ANP32B: variants seen among roughly 807,000 people sequenced by gnomAD.
ANP32B encodes acidic nuclear phosphoprotein 32 family member B.
A neutral mutation model predicts 32.2 loss-of-function variants in ANP32B; 6 were observed. That is an observed-to-expected ratio of 0.19 (90% CI 0.10 to 0.37). The LOEUF (loss-of-function observed/expected upper bound fraction) is 0.37. Among genes scored for constraint, ANP32B ranks in the 10% least tolerant of loss-of-function variants. The probability of loss-of-function intolerance (pLI) is 1.00; values close to 1 mark genes in which losing one functional copy is unlikely to be tolerated. For missense variants in ANP32B, 204 were observed against 289.2 expected (o/e 0.71, Z 2.14); for synonymous variants, 98 against 105.8 (o/e 0.93, Z 0.45).
rs1827628233 is a variant in ANP32B, at chr9:97,983,391, G to A, written c.-165G>A. Reference sequence around the variant, plus strand: ...CTCCCGTGAGTAACTTGGCTCCGGGGGCTCCGCTCGCCTGCCCGCACGCCG... The same window carrying A: ...CTCCCGTGAGTAACTTGGCTCCGGGAGCTCCGCTCGCCTGCCCGCACGCCG... On this transcript the variant is annotated 5_prime_UTR_variant, in exon 1 of 7. Transcript: ENST00000339399. 5 of 576,842 alleles carry A rather than the reference G, an allele frequency of 8.7e-6. No homozygotes were observed. The highest frequency in any genetic ancestry group is 6.6e-5 in the South Asian group (3 of 45,168). 35.7% of individuals were successfully genotyped at this position (576,842 alleles called of 1,614,324 possible). A position where few individuals can be genotyped will look rare whatever the true frequency, so the allele number is the denominator to read the frequency against.
intron 4 of ANP32B, among the ~76,000 whole-genome samples, chr9:98,005,582 G>A (rs865882174): frequency 1.6e-4 from 25 of 152,036 alleles, no homozygotes; most frequent in African/African-American, 5.5e-4. Flanking sequence ...GTGTGCGTGC[G>A]CACGCGTGTA....
intron 3 of ANP32B, among the ~76,000 whole-genome samples, chr9:98,001,776 G>A (rs1025757656): frequency 2.0e-5 from 3 of 152,002 alleles, no homozygotes; most frequent in Non-Finnish European, 4.4e-5. Context: ...AATCTTCGTT[G>A]TGTTCACCAT....
Position 97,994,735 on chromosome 9 carries a change from C to T in ANP32B, c.159C>T (p.Gly53=). The change falls in exon 2 of 7, where the codon GGC becomes GGT. Residue 53 remains glycine, a synonymous_variant. Coordinates refer to ENST00000339399, the MANE Select transcript of ANP32B (RefSeq NM_006401.3). Reference sequence around the variant, plus strand: ...AGTTCCTCAGTTTAATAAATGTAGGCTTGATCTCAGTTTCAAATCTCCCCA... The same window carrying T: ...AGTTCCTCAGTTTAATAAATGTAGGTTTGATCTCAGTTTCAAATCTCCCCA... ...NLEFLSLINV[G]LISVSNLPKL... The T allele has an allele frequency of 2.1e-5, 34 of 1,609,390 alleles. No homozygotes were observed. The highest frequency in any genetic ancestry group is 2.9e-5 in the Non-Finnish European group (34 of 1,178,156).
chr9:97,984,407 G>C (rs1356555128), intron 1 of ANP32B, among the ~76,000 whole-genome samples: 1 of 151,410 alleles, frequency 6.6e-6, no homozygotes, highest in African/African-American at 2.4e-5. Context: ...TGCCTCCCAG[G>C]GGCAGCCCGG....
intron 1 of ANP32B, among the ~76,000 whole-genome samples, chr9:97,993,686 A>G (rs563603124): frequency 9.2e-5 from 14 of 152,322 alleles, no homozygotes; most frequent in Non-Finnish European, 1.6e-4. Flanking sequence ...CCCAGGCTGG[A>G]GTGCAATGGC....
chr9:98,000,486 T>C (rs1434057046), intron 3 of ANP32B, among the ~76,000 whole-genome samples: 1 of 152,224 alleles, frequency 6.6e-6, no homozygotes, highest in Non-Finnish European at 1.5e-5. Flanking sequence ...TGACTTTTGC[T>C]GCATCCAAGG....
At chr9:97,988,164 A>T (rs190180298) in intron 1 of ANP32B, among the ~76,000 whole-genome samples, 63 of 152,160 alleles carry the variant, frequency 4.1e-4, no homozygotes, top group African/African-American at 1.4e-3. Context: ...TACAGTCAAC[A>T]TCTTTGTGTG....
At chr9:97,984,851 C>G (rs1827683835) in intron 1 of ANP32B, among the ~76,000 whole-genome samples, 1 of 150,466 alleles carries the variant, frequency 6.6e-6, no homozygotes. Flanking sequence ...GCCGGGCGCG[C>G]GGGATTTTGG....
At position 97,983,723 on chromosome 9, in the gene ANP32B, T is replaced by C; in HGVS notation, c.54+114T>C. 4 of 767,932 alleles carry C rather than the reference T, an allele frequency of 5.2e-6. No individual in the cohort carries two copies. In the South Asian group the frequency reaches 1.8e-4, roughly 34 times the overall value. 47.6% of individuals were successfully genotyped at this position (767,932 alleles called of 1,614,324 possible). A position where few individuals can be genotyped will look rare whatever the true frequency, so the allele number is the denominator to read the frequency against. On this transcript the variant is annotated intron_variant, in intron 1 of 6. Coordinates refer to ENST00000339399, the MANE Select transcript of ANP32B (RefSeq NM_006401.3). ...GCCCCGGCGCGGGGAAGAGCGCAGC[T>C]CGTGGGCTCGGACGGGGAAGGCGGG...
At chr9:97,991,263 G>T (rs944389144) in intron 1 of ANP32B, among the ~76,000 whole-genome samples, 17 of 151,480 alleles carry the variant, frequency 1.1e-4, no homozygotes, top group Non-Finnish European at 1.9e-4. Flanking sequence ...CCACAGGCAT[G>T]CACCACCATG....
intron 1 of ANP32B, among the ~76,000 whole-genome samples, chr9:97,992,799 A>G (rs902947344): frequency 2.0e-5 from 3 of 152,238 alleles, no homozygotes; most frequent in African/African-American, 7.2e-5. Flanking sequence ...TAAAGTAAAC[A>G]GCAAAGGTCA....
rs1827949511 is a variant in ANP32B, at chr9:97,999,086, C to T, written c.327+408C>T. On this transcript the variant is annotated intron_variant, in intron 3 of 6. Transcript: ENST00000339399. The stretch of plus-strand genomic sequence containing the variant: ...CCTCCCAAAGTGCTGGGATTACAGG[C>T]GTGAGCCACCGCGCCCGGCCGAAAG... Among the ~76,000 whole-genome samples the T allele has an allele frequency of 1.3e-5, 2 of 149,466 alleles. 1 individual carries two copies. Among genetic ancestry groups the T allele is most frequent in the Non-Finnish European group, 3.0e-5 (2 of 67,550 alleles).
At chr9:97,993,721 C>T (rs180753504) in intron 1 of ANP32B, among the ~76,000 whole-genome samples, 6 of 152,316 alleles carry the variant, frequency 3.9e-5, no homozygotes, top group Non-Finnish European at 2.9e-5. Flanking sequence ...CTGCCACCTC[C>T]ACCTCCCAGG....
chr9:98,014,079 A>G (rs1398211495), intron 6 of ANP32B, among the ~76,000 whole-genome samples: 2 of 152,202 alleles, frequency 1.3e-5, no homozygotes, highest in Non-Finnish European at 2.9e-5. Flanking sequence ...TTTTCTCAGC[A>G]TCCACTTTGT....
intron 6 of ANP32B, among the ~76,000 whole-genome samples, chr9:98,013,083 G>A (rs1828215644): frequency 1.3e-5 from 2 of 152,210 alleles, no homozygotes; most frequent in South Asian, 4.1e-4. Context: ...GAGTTCACTG[G>A]TGCAATCTAA....
chr9:97,987,436 T>G (rs2131580247), intron 1 of ANP32B: 1 of 152,368 alleles, frequency 6.6e-6, no homozygotes, highest in South Asian at 2.1e-4. Context: ...ATTGGAGGTC[T>G]TGTCAGTAAA....
chr9:98,014,084 C>A (rs889098748), intron 6 of ANP32B, among the ~76,000 whole-genome samples: 2 of 152,182 alleles, frequency 1.3e-5, no homozygotes, highest in Non-Finnish European at 1.5e-5. Flanking sequence ...TCAGCATCCA[C>A]TTTGTCAAGC....
chr9:98,010,891 G>T (rs1046932214), intron 4 of ANP32B, among the ~76,000 whole-genome samples: 1 of 151,732 alleles, frequency 6.6e-6, no homozygotes, highest in African/African-American at 2.4e-5. Context: ...AGTGACAAAG[G>T]GTAAAAATAA....
chr9:98,000,973 G>A, intron 3 of ANP32B, among the ~76,000 whole-genome samples: 1 of 151,446 alleles, frequency 6.6e-6, no homozygotes, highest in East Asian at 1.9e-4. Context: ...ATAGCCCTTG[G>A]GACCTCTTCT....
Sources: allele counts gnomAD v4.1 joint callset (sites outside exome capture counted in the v4.1 genomes callset), GRCh38; gene constraint gnomAD v4.1.1; transcripts MANE v1.5; gene names NCBI Gene and HGNC (gene_info 2026-07-23, HGNC 2026-07-21).